ABTB3: variants seen among roughly 807,000 people sequenced by gnomAD.
The protein encoded by ABTB3 is ankyrin repeat and BTB domain containing 3, also known as ankyrin repeat- and BTB/POZ domain-containing protein 3.
At chr12:107,617,893 T>C in the ABTB3 span, among the ~76,000 whole-genome samples, 337 of 152,136 alleles carry the variant, frequency 2.2e-3, 2 homozygotes, top group African/African-American at 7.8e-3. Flanking sequence ...CGGTGACAAG[T>C]GCAGAGTTCT....
At chr12:107,658,871 A>G in the ABTB3 span, 1 of 152,650 alleles carries the variant, frequency 6.6e-6, no homozygotes, top group Non-Finnish European at 1.5e-5. Flanking sequence ...AAGATGAAAC[A>G]TGTATGATAG....
chr12:107,543,919 T>G, the ABTB3 span: 1 of 1,602,330 alleles, frequency 6.2e-7, no homozygotes, highest in Non-Finnish European at 8.5e-7. Flanking sequence ...ATCTGAAATC[T>G]TCCTTCTGTC....
the ABTB3 span, among the ~76,000 whole-genome samples, chr12:107,409,232 C>T: frequency 3.9e-5 from 6 of 152,216 alleles, no homozygotes; most frequent in African/African-American, 1.4e-4. Flanking sequence ...ATGTTGTGGC[C>T]AACAGCCCCA....
chr12:107,476,919 G>A, the ABTB3 span, among the ~76,000 whole-genome samples: 2 of 152,046 alleles, frequency 1.3e-5, no homozygotes, highest in Non-Finnish European at 1.5e-5. Context: ...GTAGCCAATA[G>A]GATATTCATA....
At chr12:107,336,018 C>A in the ABTB3 span, among the ~76,000 whole-genome samples, 1 of 152,212 alleles carries the variant, frequency 6.6e-6, no homozygotes, top group Non-Finnish European at 1.5e-5. Context: ...ACCACCCGCC[C>A]AATGCAAAGC....
chr12:107,626,283 G>C, the ABTB3 span, among the ~76,000 whole-genome samples: 1 of 151,268 alleles, frequency 6.6e-6, no homozygotes, highest in Non-Finnish European at 1.5e-5. Context: ...ACATCTTCCC[G>C]AAGCAGAAGT....
the ABTB3 span, among the ~76,000 whole-genome samples, chr12:107,482,916 CTTTCTTTCTTTCTTTCT>C: frequency 1.1e-4 from 5 of 43,866 alleles, no homozygotes; most frequent in African/African-American, 6.6e-4. Flanking sequence ...CTTTCTTCTT[CTTTCTTTCTTTCTTTCT>C]TTCTTTCTTT....
At chr12:107,592,749 G>A in the ABTB3 span, among the ~76,000 whole-genome samples, 2 of 152,196 alleles carry the variant, frequency 1.3e-5, no homozygotes, top group Non-Finnish European at 2.9e-5. Flanking sequence ...AATGACAAAT[G>A]TCAAATTCAG....
the ABTB3 span, among the ~76,000 whole-genome samples, chr12:107,366,989 T>C: frequency 3.3e-5 from 5 of 152,208 alleles, no homozygotes; most frequent in Admixed American, 6.5e-5. Context: ...TGGCCATTTG[T>C]CCTTTGCTGA....
the ABTB3 span, among the ~76,000 whole-genome samples, chr12:107,651,144 A>G: frequency 1.3e-5 from 2 of 152,076 alleles, no homozygotes; most frequent in African/African-American, 2.4e-5. Flanking sequence ...GCCAGGTTAC[A>G]GCAGCGATGA....
chr12:107,369,215 C>T, the ABTB3 span, among the ~76,000 whole-genome samples: 2 of 152,012 alleles, frequency 1.3e-5, no homozygotes, highest in Admixed American at 6.6e-5. Context: ...CTTCTGTTAG[C>T]TTTGTAACTT....
chr12:107,536,589 C>T, the ABTB3 span, among the ~76,000 whole-genome samples: 1 of 152,054 alleles, frequency 6.6e-6, no homozygotes, highest in African/African-American at 2.4e-5. Flanking sequence ...ATAGACATTT[C>T]TCAAAAGAAG....
chr12:107,606,073 T>C, the ABTB3 span, among the ~76,000 whole-genome samples: 1 of 152,128 alleles, frequency 6.6e-6, no homozygotes, highest in South Asian at 2.1e-4. Flanking sequence ...CAGCTATATG[T>C]GTGGAGTCAT....
the ABTB3 span, among the ~76,000 whole-genome samples, chr12:107,368,408 G>A: frequency 3.3e-5 from 5 of 152,320 alleles, no homozygotes; most frequent in East Asian, 1.9e-4. Flanking sequence ...TCTAAGAGAC[G>A]GAGACACTGG....
chr12:107,362,753 A>C, the ABTB3 span, among the ~76,000 whole-genome samples: 1 of 152,078 alleles, frequency 6.6e-6, no homozygotes, highest in African/African-American at 2.4e-5. Flanking sequence ...TGATCATGCC[A>C]CTGCTCTCCA....
At chr12:107,610,394 T>C in the ABTB3 span, 3 of 1,605,418 alleles carry the variant, frequency 1.9e-6, no homozygotes, top group South Asian at 3.3e-5. Context: ...CCCCACCTCC[T>C]CCATGTGCAT....
chr12:107,358,619 G>A, the ABTB3 span, among the ~76,000 whole-genome samples: 2 of 151,838 alleles, frequency 1.3e-5, no homozygotes, highest in Non-Finnish European at 2.9e-5. Context: ...TCCCAAGACA[G>A]CGTTTCACTC....
the ABTB3 span, among the ~76,000 whole-genome samples, chr12:107,398,683 G>A: frequency 2.0e-5 from 3 of 152,046 alleles, no homozygotes; most frequent in Non-Finnish European, 4.4e-5. Context: ...CAATTTAGGA[G>A]CCTGCTAAAC....
chr12:107,435,859 T>C, the ABTB3 span, among the ~76,000 whole-genome samples: 1 of 152,230 alleles, frequency 6.6e-6, no homozygotes, highest in East Asian at 1.9e-4. Flanking sequence ...CTGATGGTAA[T>C]GTTCTGTATC....
Sources: allele counts gnomAD v4.1 joint callset (sites outside exome capture counted in the v4.1 genomes callset), GRCh38; gene constraint gnomAD v4.1.1; transcripts MANE v1.5; gene names NCBI Gene and HGNC (gene_info 2026-07-23, HGNC 2026-07-21).